The following FMNL2 variants were observed in gnomAD, a reference collection of about 807,000 sequenced individuals.
FMNL2 encodes the protein formin like 2, also known as formin-like protein 2.
A neutral mutation model predicts 130.2 loss-of-function variants in FMNL2; 51 were observed. The ratio of observed to expected loss-of-function variants is 0.39; its 90% confidence interval spans 0.31 to 0.49. The LOEUF (loss-of-function observed/expected upper bound fraction) is 0.49. FMNL2 is among the 20% of genes least tolerant of loss of function. The probability of loss-of-function intolerance (pLI) is 0.85; values close to 1 mark genes in which losing one functional copy is unlikely to be tolerated. For synonymous variants in FMNL2, 465 were observed against 467.1 expected, an observed-to-expected ratio of 1.00 and a Z score of 0.06; for missense variants, 977 against 1,316.2, an observed-to-expected ratio of 0.74 and a Z score of 3.99.
At chr2:152,504,050 G>T (rs887590421) in intron 1 of FMNL2, among the ~76,000 whole-genome samples, 8 of 152,170 alleles carry the variant, frequency 5.3e-5, no homozygotes, top group African/African-American at 1.7e-4. Flanking sequence ...AATTAGCCGG[G>T]CGTGGTGGCA....
rs1249504516 is a variant in FMNL2, at chr2:152,640,923, T to C, written c.3169+9T>C. The C allele has an allele frequency of 5.6e-6, 9 of 1,613,380 alleles. No individual in the cohort carries two copies. Among genetic ancestry groups the C allele is most frequent in the Middle Eastern group, 1.7e-4 (1 of 6,056 alleles). On this transcript the variant is annotated intron_variant, in intron 25 of 25. Transcript: ENST00000288670. ...TGAAGATATTATCACAGGTAAAAGA[T>C]ATTTCTTCACTGTGGCCCATGGAGA... is the stretch of plus-strand genomic sequence containing the variant.
intron 22 of FMNL2, 127 bp downstream of exon 22, chr2:152,636,717 T>C (rs1324077623): frequency 2.6e-6 from 3 of 1,140,576 alleles, no homozygotes; most frequent in Non-Finnish European, 3.6e-6. Context: ...TTTCTTGTTG[T>C]AACTATTATT....
rs376834050 is a variant in FMNL2, at chr2:152,640,076, T to G, written c.3045+20T>G. 2.2e-5 allele frequency: 34 copies of G among 1,535,264 alleles called. No homozygotes were observed. The highest frequency in any genetic ancestry group is 4.3e-5 in the Admixed American group (2 of 47,026). On this transcript the variant is annotated intron_variant, in intron 24 of 25. Coordinates refer to ENST00000288670, the MANE Select transcript of FMNL2 (RefSeq NM_052905.4). ...CCAAAGGTAAGAAGTGCCGCACTCATGAGACAGGTCCGTGAGGAGAGGCTG... is the reference window on the plus strand; with the variant it reads ...CCAAAGGTAAGAAGTGCCGCACTCAGGAGACAGGTCCGTGAGGAGAGGCTG...
At position 152,568,218 on chromosome 2, in the gene FMNL2, G is replaced by GTT. The variant is rs1177965681; in HGVS notation, c.597-6904_597-6903dup. Among the ~76,000 whole-genome samples, 14 of 34,856 alleles carry GTT rather than the reference G, an allele frequency of 4.0e-4. 1 individual carries two copies. The highest frequency in any genetic ancestry group is 1.1e-3 in the African/African-American group (13 of 11,878). 22.9% of individuals were successfully genotyped at this position (34,856 alleles called of 152,430 possible). On this transcript the variant is annotated intron_variant, in intron 6 of 25. Coordinates refer to ENST00000288670, the MANE Select transcript of FMNL2 (RefSeq NM_052905.4). ...TGAGCAACGGCTTCCATTTTGGTGGGTTTTTTTTTTTTTTTGAGACGGAGT... is the reference window on the plus strand; with the variant it reads ...TGAGCAACGGCTTCCATTTTGGTGGGTTTTTTTTTTTTTTTTTGAGACGGAGT...
intron 9 of FMNL2, among the ~76,000 whole-genome samples, chr2:152,585,965 A>G (rs1036680080): frequency 1.3e-5 from 2 of 152,054 alleles, no homozygotes; most frequent in Non-Finnish European, 1.5e-5. Context: ...CAAAGAGGAA[A>G]AGTACTGAGG....
intron 1 of FMNL2, among the ~76,000 whole-genome samples, chr2:152,500,650 C>T (rs1369385284): frequency 1.3e-5 from 2 of 152,166 alleles, no homozygotes; most frequent in African/African-American, 4.8e-5. Flanking sequence ...GAGTTCTAGA[C>T]CAGCCTGGCC....
intron 1 of FMNL2, among the ~76,000 whole-genome samples, chr2:152,420,186 A>G (rs1041823185): frequency 6.6e-6 from 1 of 152,244 alleles, no homozygotes; most frequent in Non-Finnish European, 1.5e-5. Context: ...ACACCAGAGT[A>G]TTTAAAAGAG....
At chr2:152,446,424 A>C (rs1688339767) in intron 1 of FMNL2, among the ~76,000 whole-genome samples, 1 of 152,212 alleles carries the variant, frequency 6.6e-6, no homozygotes, top group African/African-American at 2.4e-5. Flanking sequence ...ATGGTAGCTG[A>C]AACCAGATTG....
At chr2:152,498,620 A>C (rs1691643225) in intron 1 of FMNL2, among the ~76,000 whole-genome samples, 1 of 152,154 alleles carries the variant, frequency 6.6e-6, no homozygotes, top group Admixed American at 6.5e-5. Context: ...ACAACATATA[A>C]TATTGTCACA....
chr2:152,349,806 T>A (rs971120840), intron 1 of FMNL2, among the ~76,000 whole-genome samples: 4 of 152,212 alleles, frequency 2.6e-5, no homozygotes, highest in Non-Finnish European at 5.9e-5. Flanking sequence ...AGATTCTAGC[T>A]CAGTCCCAAC....
At chr2:152,454,825 AGG>A (rs1688862601) in intron 1 of FMNL2, among the ~76,000 whole-genome samples, 1 of 152,212 alleles carries the variant, frequency 6.6e-6, no homozygotes, top group African/African-American at 2.4e-5. Flanking sequence ...GGGCCAAAGA[AGG>A]GGCAATAACC....
At chr2:152,438,731 C>T (rs1019468152) in intron 1 of FMNL2, among the ~76,000 whole-genome samples, 3 of 152,006 alleles carry the variant, frequency 2.0e-5, no homozygotes, top group Non-Finnish European at 2.9e-5. Flanking sequence ...TTTGGTTTAG[C>T]AACATATTCT....
At chr2:152,435,660 G>A (rs6727037) in intron 1 of FMNL2, among the ~76,000 whole-genome samples, 45,558 of 151,804 alleles carry the variant, frequency 0.3, 7,900 homozygotes, top group African/African-American at 0.46. Context: ...TCTCTAGAGC[G>A]TCTCTCTTGA....
intron 1 of FMNL2, among the ~76,000 whole-genome samples, chr2:152,483,723 C>T (rs2105246521): frequency 6.6e-6 from 1 of 152,378 alleles, no homozygotes; most frequent in African/African-American, 2.4e-5. Context: ...CCTTTACTAG[C>T]AGTGAGCCTG....
chr2:152,624,053 C>A, intron 15 of FMNL2, among the ~76,000 whole-genome samples: 1 of 1,316 alleles, frequency 7.6e-4, no homozygotes, highest in Non-Finnish European at 1.6e-3. Context: ...TCCCTCCCCT[C>A]CCCTCCCCTC....
chr2:152,454,974 T>C (rs1158830337), intron 1 of FMNL2, among the ~76,000 whole-genome samples: 7 of 152,064 alleles, frequency 4.6e-5, no homozygotes, highest in Admixed American at 4.6e-4. Context: ...ATACCTTACT[T>C]TGAAGTAGAC....
At chr2:152,377,022 A>G (rs1048615659) in intron 1 of FMNL2, among the ~76,000 whole-genome samples, 18 of 152,236 alleles carry the variant, frequency 1.2e-4, no homozygotes, top group African/African-American at 4.3e-4. Context: ...GTGGAGTCAC[A>G]TAGATCTGGG....
intron 3 of FMNL2, among the ~76,000 whole-genome samples, chr2:152,546,257 T>C (rs1694625137): frequency 6.6e-6 from 1 of 152,140 alleles, no homozygotes; most frequent in African/African-American, 2.4e-5. Context: ...CAGGTTTATT[T>C]TGGCCTACAG....
intron 6 of FMNL2, among the ~76,000 whole-genome samples, chr2:152,574,434 CAAAAA>C (rs57776446): frequency 7.5e-5 from 8 of 106,960 alleles, no homozygotes; most frequent in South Asian, 3.0e-4. Flanking sequence ...GACTCTGTCT[CAAAAA>C]AAAAAAAAAA....
Sources: allele counts gnomAD v4.1 joint callset (sites outside exome capture counted in the v4.1 genomes callset), GRCh38; gene constraint gnomAD v4.1.1; transcripts MANE v1.5; gene names NCBI Gene and HGNC (gene_info 2026-07-23, HGNC 2026-07-21).